DVL1: variants seen among roughly 807,000 people sequenced by gnomAD.
The protein encoded by DVL1 is segment polarity protein dishevelled homolog DVL-1.
DVL1 carries 49 observed loss-of-function variants against 65.0 expected under a neutral mutation model. The observed-to-expected ratio is 0.75, with a 90% CI of 0.60 to 0.96. The LOEUF (loss-of-function observed/expected upper bound fraction) is 0.96. Ranked by LOEUF, DVL1 falls within the 40% of genes least tolerant of loss-of-function variation. The probability of loss-of-function intolerance (pLI) is 0.00; values close to 1 mark genes in which losing one functional copy is unlikely to be tolerated. For missense variants in DVL1, 1,197 were observed against 1,045.4 expected (o/e 1.15, Z -2.00); for synonymous variants, 608 against 433.9 (o/e 1.40, Z -4.99).
chr1:1,338,224 G>T (rs373206650), intron 13 of DVL1, 41 bp from the exon 14 acceptor site: 3 of 1,591,432 alleles, frequency 1.9e-6, no homozygotes, highest in Non-Finnish European at 2.6e-6. Flanking sequence ...AGGGGCCTCC[G>T]GCGTTCCCCT....
intron 14 of DVL1, 93 bp from the exon 15 acceptor site, chr1:1,336,608 C>T (rs781561630): frequency 1.6e-5 from 23 of 1,440,396 alleles, no homozygotes; most frequent in Non-Finnish European, 1.8e-5. Context: ...CGGGCAGGAA[C>T]GGTGGCCCGT....
At chr1:1,347,125 A>G (rs1483712867) in intron 1 of DVL1, among the ~76,000 whole-genome samples, 2 of 152,118 alleles carry the variant, frequency 1.3e-5, no homozygotes, top group African/African-American at 2.4e-5. Flanking sequence ...CTGGGAGGCT[A>G]CAGAGCAAGG....
chr1:1,343,214 C>T (rs889170362), intron 1 of DVL1, among the ~76,000 whole-genome samples: 4 of 151,960 alleles, frequency 2.6e-5, no homozygotes, highest in Non-Finnish European at 5.9e-5. Flanking sequence ...GCCCCAGACG[C>T]TGTCTCCAAC....
intron 5 of DVL1, among the ~76,000 whole-genome samples, chr1:1,340,746 GCACACATGCACACCTGCA>G (rs1173621659): frequency 9.2e-5 from 14 of 151,916 alleles, no homozygotes; most frequent in East Asian, 1.9e-4. Flanking sequence ...TGACACACCT[GCACACATGCACACCTGCA>G]CACACATGCA....
In DVL1 at chr1:1,341,815, C is replaced by A. The variant is rs775790650; in HGVS notation, c.467-10G>T. On this transcript the variant is annotated splice_polypyrimidine_tract_variant and intron_variant, in intron 4 of 14. Transcript: ENST00000378888. ...CCATTGGTCCGGGCGGCTGTGGGGG[C>A]AGCAGGTTGGGAACTGACTGCAGGG... 1.1e-5 allele frequency: 18 copies of A among 1,568,708 alleles called. No individual in the cohort carries two copies. Among genetic ancestry groups the A allele is most frequent in the Middle Eastern group, 1.7e-4 (1 of 5,924 alleles).
chr1:1,337,902 G>C, intron 14 of DVL1, 75 bp downstream of exon 14: 1 of 1,196,924 alleles, frequency 8.4e-7, no homozygotes, highest in Non-Finnish European at 1.2e-6. Context: ...GGTGGAACTG[G>C]GGGCGGAGCA....
At chr1:1,344,497 G>A (rs1285998570) in intron 1 of DVL1, among the ~76,000 whole-genome samples, 2 of 152,166 alleles carry the variant, frequency 1.3e-5, no homozygotes, top group African/African-American at 2.4e-5. Context: ...AGGGCAGAGT[G>A]GACAGCAGGC....
intron 1 of DVL1, among the ~76,000 whole-genome samples, chr1:1,345,608 T>A (rs1299080881): frequency 6.6e-6 from 1 of 152,134 alleles, no homozygotes; most frequent in Non-Finnish European, 1.5e-5. Flanking sequence ...CTAACCTGTG[T>A]GCTGCCCCCA....
intron 5 of DVL1, among the ~76,000 whole-genome samples, chr1:1,341,105 ACCTGCACACGCACG>A (rs1017499939): frequency 1.4e-5 from 2 of 141,726 alleles, no homozygotes; most frequent in South Asian, 2.3e-4. Context: ...ACCTGCACAC[ACCTGCACACGCACG>A]CCTGCACATG....
chr1:1,337,434 G>A (rs888527878), intron 14 of DVL1, among the ~76,000 whole-genome samples: 1 of 152,146 alleles, frequency 6.6e-6, no homozygotes, highest in East Asian at 1.9e-4. Context: ...TAGGATGCAC[G>A]GCACCATCCA....
At chr1:1,345,238 C>G (rs780098905) in intron 1 of DVL1, among the ~76,000 whole-genome samples, 2 of 152,196 alleles carry the variant, frequency 1.3e-5, no homozygotes, top group Non-Finnish European at 2.9e-5. Context: ...AGAGGCCCTA[C>G]TCACTCCGCC....
In DVL1 at chr1:1,338,193, G is replaced by A; in HGVS notation, c.1508-10C>T. 1 of 1,597,586 alleles carries A rather than the reference G, an allele frequency of 6.3e-7. No homozygotes were observed. Among genetic ancestry groups the A allele is most frequent in the Non-Finnish European group, 8.5e-7 (1 of 1,171,538 alleles). ...TTCAGGGTGGCGAGATCTGGCGGGG[G>A]AGGGTAGGTGAGGGCCGCGGAGGGG... is the stretch of plus-strand genomic sequence containing the variant. On this transcript the variant is annotated splice_polypyrimidine_tract_variant and intron_variant, in intron 13 of 14. Transcript: ENST00000378888.
intron 1 of DVL1, among the ~76,000 whole-genome samples, chr1:1,343,358 A>G (rs553827791): frequency 8.5e-4 from 126 of 148,930 alleles, no homozygotes; most frequent in African/African-American, 3.0e-3. Flanking sequence ...AAGGCTCCCC[A>G]GGCTATTCCC....
In DVL1 at chr1:1,340,421, G is replaced by T. The variant is rs760413915; in HGVS notation, c.688C>A (p.Gln230Lys). Residue 230 changes from glutamine (Q) to lysine (K), a missense_variant, in exon 6 of 15, where the codon CAG becomes AAG. Gln to Lys is a moderately conservative substitution (Grantham distance 53). Transcript: ENST00000378888. ...ACCCGGCTGCCTACCCGGTCCGCCT[G>T]CCGAAGGCGCTGCTTCCTCCGCCGG... ...KRRRRKQRLRQADRASSFSSI... is the reference protein window; with the variant it reads ...KRRRRKQRLRKADRASSFSSI... 1.5e-5 allele frequency: 24 copies of T among 1,612,242 alleles called. No homozygotes were observed. In the African/African-American group the frequency reaches 2.9e-4, roughly 20 times the overall value.
intron 5 of DVL1, 108 bp from the exon 6 acceptor site, chr1:1,340,611 C>G: frequency 8.1e-7 from 1 of 1,230,942 alleles, no homozygotes; most frequent in Non-Finnish European, 1.1e-6. Flanking sequence ...CAGGCTTGTT[C>G]CAAAGCAGGC....
Position 1,338,025 on chromosome 1 carries a change from G to C in DVL1, c.1666C>G (p.Pro556Ala). 1 of 1,611,990 alleles carries C rather than the reference G, an allele frequency of 6.2e-7. No homozygotes were observed. Among genetic ancestry groups the C allele is most frequent in the Non-Finnish European group, 8.5e-7 (1 of 1,179,706 alleles). The change falls in exon 14 of 15, where the codon CCG becomes GCG. Residue 556 changes from proline to alanine, a missense_variant. Pro to Ala is a conservative substitution (Grantham distance 27). Coordinates refer to ENST00000378888, the MANE Select transcript of DVL1 (RefSeq NM_001330311.2). ...PPCFPPAYQD[P>A]GFSYGSGSTG... ...CTGCCGCTGCCATAGCTAAAGCCCG[G>C]GTCCTGGTAGGCAGGCGGGAAGCAG...
chr1:1,342,807 C>T (rs745540665), intron 1 of DVL1, 49 bp from the exon 2 acceptor site: 12 of 1,596,136 alleles, frequency 7.5e-6, no homozygotes, highest in East Asian at 2.2e-5. Flanking sequence ...CCCAACCCTG[C>T]GGTTCTAGAG....
chr1:1,345,363 G>A (rs1331637808), intron 1 of DVL1, among the ~76,000 whole-genome samples: 1 of 152,218 alleles, frequency 6.6e-6, no homozygotes, highest in Non-Finnish European at 1.5e-5. Context: ...ACAGAGGGAA[G>A]GGTGGGGTCT....
At position 1,338,032 on chromosome 1, in the gene DVL1, G is replaced by GT. The variant is rs1250230467; in HGVS notation, c.1658dup (p.Tyr553Ter). The change falls in exon 14 of 15, where the codon TAC becomes TAAC. Residue 553 changes from tyrosine (Y) to a stop codon, truncating the protein, a stop_gained and frameshift_variant. Transcript: ENST00000378888. LOFTEE classifies it high-confidence loss of function. ...TGCCATAGCTAAAGCCCGGGTCCTG[G>GT]TAGGCAGGCGGGAAGCAGGGTGGGG... The part of the protein sequence containing the change: ...PGPPPCFPPA[Y>*]QDPGFSYGSG... The GT allele has an allele frequency of 6.2e-7, 1 of 1,611,932 alleles. No homozygotes were observed.
Sources: allele counts gnomAD v4.1 joint callset (sites outside exome capture counted in the v4.1 genomes callset), GRCh38; gene constraint gnomAD v4.1.1; transcripts MANE v1.5; gene names NCBI Gene and HGNC (gene_info 2026-07-23, HGNC 2026-07-21).